The following CSMD1 variants were observed in gnomAD, a reference collection of about 807,000 sequenced individuals.
CSMD1 encodes the protein CUB and sushi domain-containing protein 1.
In CSMD1, 213 loss-of-function variants were observed where a neutral mutation model predicts 417.5. The ratio of observed to expected loss-of-function variants is 0.51; its 90% CI spans 0.46 to 0.57. The LOEUF is 0.57. Among genes scored for constraint, CSMD1 ranks in the 20% least tolerant of loss-of-function variants. The pLI is 0.00. For missense variants in CSMD1, 6,923 were observed against 4,529.7 expected, an observed-to-expected ratio of 1.53 and a Z score of -15.17; for synonymous variants, 2,862 against 1,736.8, an observed-to-expected ratio of 1.65 and a Z score of -16.11.
chr8:4,661,216 T>C (rs1804585471), intron 1 of CSMD1, among the ~76,000 whole-genome samples: 1 of 152,192 alleles, frequency 6.6e-6, no homozygotes, highest in Admixed American at 6.5e-5. Flanking sequence ...ACAGCCCAGA[T>C]GTCCTTTAAT....
chr8:4,878,010 C>A (rs950544987), intron 1 of CSMD1, among the ~76,000 whole-genome samples: 3 of 152,076 alleles, frequency 2.0e-5, no homozygotes, highest in African/African-American at 7.3e-5. Context: ...GAAATAGGAC[C>A]TGTCAGCATC....
chr8:3,650,212 G>A (rs1226349003), intron 7 of CSMD1, among the ~76,000 whole-genome samples: 1 of 151,780 alleles, frequency 6.6e-6, no homozygotes, highest in Non-Finnish European at 1.5e-5. Flanking sequence ...CCAGAAGGCA[G>A]ATTTGCAATG....
chr8:3,672,664 A>T (rs1272573903), intron 7 of CSMD1, among the ~76,000 whole-genome samples: 1 of 152,164 alleles, frequency 6.6e-6, no homozygotes, highest in East Asian at 1.9e-4. Context: ...GTGCAGTGTC[A>T]CTGGGCATCT....
intron 39 of CSMD1, among the ~76,000 whole-genome samples, chr8:3,155,614 G>A (rs1415472355): frequency 6.6e-6 from 1 of 151,750 alleles, no homozygotes; most frequent in African/African-American, 2.4e-5. Flanking sequence ...TGATCCACTC[G>A]CCTCAGCCTC....
At chr8:3,513,520 A>G (rs1317492152) in intron 10 of CSMD1, among the ~76,000 whole-genome samples, 1 of 152,030 alleles carries the variant, frequency 6.6e-6, no homozygotes, top group Non-Finnish European at 1.5e-5. Context: ...CTCCTTAATA[A>G]AATCCTCTTT....
At chr8:3,391,492 G>T (rs758529545) in intron 17 of CSMD1, among the ~76,000 whole-genome samples, 1 of 152,174 alleles carries the variant, frequency 6.6e-6, no homozygotes, top group African/African-American at 2.4e-5. Flanking sequence ...TCTGGAGCGA[G>T]AATGCAATCG....
intron 7 of CSMD1, among the ~76,000 whole-genome samples, chr8:3,677,356 A>C (rs1799430137): frequency 6.6e-6 from 1 of 152,172 alleles, no homozygotes; most frequent in African/African-American, 2.4e-5. Flanking sequence ...TTCTTGAATA[A>C]ATAAGCAGTT....
chr8:3,481,816 T>G (rs1311420802), intron 11 of CSMD1, among the ~76,000 whole-genome samples: 5 of 152,170 alleles, frequency 3.3e-5, no homozygotes, highest in African/African-American at 1.2e-4. Context: ...CCAGGGCCTT[T>G]GGAGTGATTA....
At chr8:4,558,382 G>A (rs145637365) in intron 2 of CSMD1, among the ~76,000 whole-genome samples, 245 of 152,168 alleles carry the variant, frequency 1.6e-3, no homozygotes, top group African/African-American at 4.8e-3. Flanking sequence ...TCACTAAAAC[G>A]TATTTTTCAA....
chr8:3,097,299 G>A (rs1426479039), intron 46 of CSMD1, among the ~76,000 whole-genome samples: 3 of 151,990 alleles, frequency 2.0e-5, no homozygotes, highest in Non-Finnish European at 2.9e-5. Context: ...CCTTAATTTG[G>A]GGCAGATGCA....
Position 4,994,365 on chromosome 8 carries a change from C to A in CSMD1, c.52G>T (p.Val18Leu), listed in dbSNP as rs757467699. 1.2e-6 allele frequency: 2 copies of A among 1,611,976 alleles called. No individual in the cohort carries two copies. Among genetic ancestry groups the A allele is most frequent in the African/African-American group, 1.3e-5 (1 of 75,046 alleles). ...GCAGTGAGGAGCCTCGCGCACAGCA[C>A]CAGCAGCCCGAGAAGCAGGAGCAGC... ...QSLLLLLGLLVLCARLLTAAK... is the reference protein window; with the variant it reads ...QSLLLLLGLLLLCARLLTAAK... Residue 18 changes from valine to leucine, a missense_variant, in exon 1 of 70, where the codon GTG becomes TTG. Physicochemically the swap from Val to Leu is conservative, Grantham distance 32. Transcript: ENST00000635120.
rs75058615 is a variant in CSMD1 at position 4,010,979 on chromosome 8, G to C, written c.611-12869C>G. On this transcript the variant is annotated intron_variant, in intron 4 of 69. Coordinates refer to ENST00000635120, the MANE Select transcript of CSMD1 (RefSeq NM_033225.6). ...CAATCCCGCTTCACTTTCTGTATCT[G>C]TTCACTGCTCCCTTTCTGGGGGATG... Among the ~76,000 whole-genome samples, 541 of 152,254 alleles carry C rather than the reference G, an allele frequency of 3.6e-3. 5 individuals are homozygous for C. Among genetic ancestry groups the C allele is most frequent in the African/African-American group, 0.011 (452 of 41,534 alleles).
intron 7 of CSMD1, among the ~76,000 whole-genome samples, chr8:3,669,637 G>A (rs1247362295): frequency 2.0e-5 from 3 of 152,292 alleles, no homozygotes; most frequent in East Asian, 1.9e-4. Flanking sequence ...CGCCCGCTGG[G>A]TACATCATTT....
At chr8:3,776,643 C>T (rs1371282596) in intron 5 of CSMD1, among the ~76,000 whole-genome samples, 1 of 152,100 alleles carries the variant, frequency 6.6e-6, no homozygotes, top group Non-Finnish European at 1.5e-5. Context: ...ATCACCACCT[C>T]CTTCTTTCCC....
Position 4,624,614 on chromosome 8 carries a change from G to A in CSMD1, c.302+12728C>T, listed in dbSNP as rs369290175. ...ATGGAAGATCCACGACATTGGACAC[G>A]CCTCACATTTTTGCCTGGCAACGGT... On this transcript the variant is annotated intron_variant, in intron 2 of 69. Coordinates refer to ENST00000635120, the MANE Select transcript of CSMD1 (RefSeq NM_033225.6). Among the ~76,000 whole-genome samples the A allele has an allele frequency of 9.2e-5, 14 of 152,246 alleles. No individual in the cohort carries two copies. In the South Asian group the frequency reaches 1.7e-3, roughly 18 times the overall value.
intron 2 of CSMD1, among the ~76,000 whole-genome samples, chr8:4,440,853 T>A (rs1798426818): frequency 4.6e-5 from 7 of 151,472 alleles, no homozygotes; most frequent in Admixed American, 4.0e-4. Flanking sequence ...AAAACTTAGC[T>A]GGGAGTGGGG....
At chr8:3,370,186 A>G (rs1364820730) in intron 18 of CSMD1, among the ~76,000 whole-genome samples, 2 of 152,188 alleles carry the variant, frequency 1.3e-5, no homozygotes, top group African/African-American at 2.4e-5. Flanking sequence ...TTTTACAGAC[A>G]TCAAGAGGAG....
intron 23 of CSMD1, among the ~76,000 whole-genome samples, chr8:3,315,580 T>C (rs1181892951): frequency 6.6e-6 from 1 of 152,124 alleles, no homozygotes; most frequent in Non-Finnish European, 1.5e-5. Context: ...TTTTCCCATA[T>C]ATTAAGTTTT....
chr8:4,265,746 C>T lies in CSMD1; in HGVS notation c.415+154207G>A, dbSNP rs576465599. Among the ~76,000 whole-genome samples, 127 of 104,484 alleles carry T rather than the reference C, an allele frequency of 1.2e-3. 46 individuals are homozygous for T. In the South Asian group the frequency reaches 0.027, roughly 22 times the overall value. The allele number at this position is 104,484 out of a possible 152,430, so 68.5% of individuals were successfully genotyped here. On this transcript the variant is annotated intron_variant, in intron 3 of 69. Transcript: ENST00000635120. ...TAATGCAACATAAAATGTTTGAAAA[C>T]TTTAAATAGAGCAAGTCAGTGCTCA...
Sources: gnomAD v4.1 joint callset for allele counts (sites outside exome capture counted in the v4.1 genomes callset) on GRCh38, gnomAD v4.1.1 for gene constraint, MANE v1.5 for transcripts, NCBI Gene and HGNC (gene_info 2026-07-23, HGNC 2026-07-21) for gene names.